The following BRSK2 variants were observed in gnomAD, a reference collection of about 807,000 sequenced individuals.
BRSK2 encodes the protein BR serine/threonine kinase 2.
Under a neutral mutation model 83.3 loss-of-function variants are expected in BRSK2, and 19 were observed. The ratio of observed to expected loss-of-function variants is 0.23; its 90% CI spans 0.16 to 0.33. The LOEUF is 0.33. Ranked by LOEUF, BRSK2 falls within the 10% of genes least tolerant of loss-of-function variation. BRSK2 has a pLI of 1.00. For missense variants in BRSK2, 798 were observed against 1,042.3 expected, an observed-to-expected ratio of 0.77 and a Z score of 3.23; for synonymous variants, 519 against 435.4, an observed-to-expected ratio of 1.19 and a Z score of -2.39.
intron 1 of BRSK2, chr11:1,411,648 C>T (rs560042906): frequency 3.6e-5 from 55 of 1,535,912 alleles, no homozygotes; most frequent in Non-Finnish European, 2.1e-5. Context: ...GTGCCACGCT[C>T]CCTGGCTGGC....
At chr11:1,459,071 T>A in intron 18 of BRSK2, 121 bp from the exon 19 acceptor site, 227 of 447,132 alleles carry the variant, frequency 5.1e-4, no homozygotes, top group East Asian at 1.2e-3. Context: ...CACCCATGCC[T>A]CTGGGGCCCT....
chr11:1,396,847 C>T (rs1453901340), intron 1 of BRSK2, among the ~76,000 whole-genome samples: 1 of 152,228 alleles, frequency 6.6e-6, no homozygotes, highest in East Asian at 1.9e-4. Context: ...CATCACTGTG[C>T]AGTTCTGGGC....
At chr11:1,398,291 C>T (rs1338149085) in intron 1 of BRSK2, among the ~76,000 whole-genome samples, 2 of 152,206 alleles carry the variant, frequency 1.3e-5, no homozygotes, top group Non-Finnish European at 2.9e-5. Flanking sequence ...AGCTGCAGGG[C>T]TAGCTGCTGC....
At chr11:1,455,675 A>T (rs1354017522) in intron 16 of BRSK2, among the ~76,000 whole-genome samples, 1 of 151,806 alleles carries the variant, frequency 6.6e-6, no homozygotes, top group Non-Finnish European at 1.5e-5. Flanking sequence ...CAGGCTGCTC[A>T]CTTCCTCGGC....
rs544238044 is a variant in BRSK2, at chr11:1,449,898, C to T, written c.1287+62C>T. The stretch of plus-strand genomic sequence containing the variant: ...CAGAGGCCCCAACCCTCCCAGTCAG[C>T]GTGTGCCAGGGTGGGGGCAGCCTCG... On this transcript the variant is annotated intron_variant, in intron 13 of 19. Coordinates refer to ENST00000528841, the MANE Select transcript of BRSK2 (RefSeq NM_001256627.2). The T allele has an allele frequency of 2.3e-4, 307 of 1,354,300 alleles. 1 individual carries two copies. Among genetic ancestry groups the T allele is most frequent in the Middle Eastern group, 1.1e-3 (6 of 5,330 alleles). 83.9% of individuals were successfully genotyped at this position (1,354,300 alleles called of 1,614,324 possible).
intron 19 of BRSK2, 37 bp from the exon 20 acceptor site, chr11:1,460,444 CTTTTTTTTCTTTTTTCCTT>C (rs1847294157): frequency 8.8e-7 from 1 of 1,138,946 alleles, no homozygotes; most frequent in Non-Finnish European, 1.1e-6. Context: ...TTCTCTCCCC[CTTTTTTTTCTTTTTTCCTT>C]TTTTTTTTTT....
intron 12 of BRSK2, chr11:1,447,775 T>G (rs1362417368): frequency 3.1e-6 from 5 of 1,593,024 alleles, no homozygotes; most frequent in Non-Finnish European, 4.2e-6. Context: ...GTAACTGTGT[T>G]TTCTCGCTCT....
Position 1,438,404 on chromosome 11 carries a change from G to A in BRSK2, c.272+13G>A, listed in dbSNP as rs771096938. ...ACAAAAAATATTTGTAGGTATTGCT[G>A]GGTCTGAAGAGCTGGGGTGGCGGAG... On this transcript the variant is annotated intron_variant, in intron 3 of 19. Transcript: ENST00000528841. The surrounding 1 kb of genome is among the most constrained non-coding windows in gnomAD (Gnocchi z 6.4). The A allele has an allele frequency of 1.2e-6, 2 of 1,612,828 alleles. No individual in the cohort carries two copies. The highest frequency in any genetic ancestry group is 1.1e-5 in the South Asian group (1 of 91,054).
rs111437399 is a variant in BRSK2, at chr11:1,436,021, G to A, written c.92-19G>A. ...AGGCACCCTGGGTGGGTCTGAGCGC[G>A]GCTGCTTCTCTCCCGCAGGTCTGGT... On this transcript the variant is annotated intron_variant, in intron 1 of 19. Coordinates refer to ENST00000528841, the MANE Select transcript of BRSK2 (RefSeq NM_001256627.2). 2.1e-4 allele frequency: 330 copies of A among 1,595,948 alleles called. No individual in the cohort carries two copies. Among genetic ancestry groups the A allele is most frequent in the Middle Eastern group, 5.2e-4 (3 of 5,776 alleles).
intron 1 of BRSK2, among the ~76,000 whole-genome samples, chr11:1,402,289 G>T (rs1590322563): frequency 6.6e-6 from 1 of 152,220 alleles, no homozygotes; most frequent in South Asian, 2.1e-4. Context: ...ACTCCTGGGA[G>T]CCCTTTGTGA....
chr11:1,449,715 C>T, intron 12 of BRSK2, 61 bp from the exon 13 acceptor site: 1 of 1,460,024 alleles, frequency 6.8e-7, no homozygotes, highest in Admixed American at 1.7e-5. Context: ...GAGCAGAGCC[C>T]AGCACCTGCT....
chr11:1,449,832 C>A lies in BRSK2; in HGVS notation c.1283C>A (p.Pro428His). Residue 428 changes from proline to histidine, a missense_variant, in exon 13 of 20, where the codon CCC becomes CAC. Physicochemically the swap from Pro to His is moderately conservative, Grantham distance 77 (BLOSUM62 -2). This residue lies in a region of BRSK2 where 455 missense variants were observed against 455.2 expected (regional missense o/e 1.00). Transcript: ENST00000528841. Reference sequence around the variant, plus strand: ...CTTTCCACCAGCCCACTCAGCAGCCCCCGGGTGAGTGACCCCCCGCCCCCA... The same window carrying A: ...CTTTCCACCAGCCCACTCAGCAGCCACCGGGTGAGTGACCCCCCGCCCCCA... ...SGLSTSPLSS[P>H]RVTPHPSPRG... 1 of 1,610,598 alleles carries A rather than the reference C, an allele frequency of 6.2e-7. No homozygotes were observed. The highest frequency in any genetic ancestry group is 8.5e-7 in the Non-Finnish European group (1 of 1,178,264).
intron 1 of BRSK2, among the ~76,000 whole-genome samples, chr11:1,400,585 CA>C (rs1027831885): frequency 3.7e-4 from 57 of 152,284 alleles, no homozygotes; most frequent in Middle Eastern, 3.4e-3. Flanking sequence ...ACGGGGCCAG[CA>C]AAATGCCCTG....
At position 1,461,137 on chromosome 11, in the gene BRSK2, G is replaced by C; in HGVS notation, c.*414G>C. The stretch of plus-strand genomic sequence containing the variant: ...GCAGCTCCTCGCCTCAGCTCCGCAC[G>C]GCCCGTGGGAGGAAGGCCAGGCTCG... On this transcript the variant is annotated 3_prime_UTR_variant, in exon 20 of 20. Transcript: ENST00000528841. 6.5e-6 allele frequency: 8 copies of C among 1,226,924 alleles called. No homozygotes were observed. The highest frequency in any genetic ancestry group is 8.9e-6 in the Non-Finnish European group (8 of 899,972). The allele number at this position is 1,226,924 out of a possible 1,614,324, so 76.0% of individuals were successfully genotyped here.
At chr11:1,433,327 C>G (rs1849839036) in intron 1 of BRSK2, among the ~76,000 whole-genome samples, 13 of 152,270 alleles carry the variant, frequency 8.5e-5, no homozygotes, top group Admixed American at 8.5e-4. Flanking sequence ...TGCTTCACCC[C>G]TGCACCCTCA....
At position 1,456,520 on chromosome 11, in the gene BRSK2, T is replaced by C; in HGVS notation, c.1841T>C (p.Leu614Pro). 1 of 1,585,208 alleles carries C rather than the reference T, an allele frequency of 6.3e-7. No homozygotes were observed. The highest frequency in any genetic ancestry group is 1.1e-5 in the South Asian group (1 of 87,364). The change falls in exon 17 of 20, where the codon CTG (leucine) becomes CCG (proline). Residue 614 changes from leucine to proline, a missense_variant. Around this residue, in one of 6 missense-constraint regions of BRSK2, gnomAD observed 455 missense variants for 455.2 expected, o/e 1.00. Coordinates refer to ENST00000528841, the MANE Select transcript of BRSK2 (RefSeq NM_001256627.2). ...ENGIYSVTFT[L>P]LSGPSRRFKR... is the part of the protein sequence containing the mutation. Reference sequence around the variant, plus strand: ...GGCATCTACTCCGTCACCTTCACCCTGCTCTCAGGTGAGCTGGCGCCCCCA... The same window carrying C: ...GGCATCTACTCCGTCACCTTCACCCCGCTCTCAGGTGAGCTGGCGCCCCCA...
intron 1 of BRSK2, among the ~76,000 whole-genome samples, chr11:1,420,274 C>A (rs557926861): frequency 3.3e-5 from 5 of 152,230 alleles, no homozygotes; most frequent in African/African-American, 1.2e-4. Context: ...GGTGTGACCC[C>A]AACTACCCTT....
Position 1,443,625 on chromosome 11 carries a change from G to A in BRSK2, c.770G>A (p.Arg257His), listed in dbSNP as rs778370045. The A allele has an allele frequency of 1.6e-5, 25 of 1,600,868 alleles. No homozygotes were observed. Among genetic ancestry groups the A allele is most frequent in the Admixed American group, 1.2e-4 (7 of 59,640 alleles). The change falls in exon 8 of 20, where the codon CGC (arginine) becomes CAC (histidine). Residue 257 changes from arginine to histidine, a missense_variant. Arg to His is a conservative substitution (Grantham distance 29, BLOSUM62 0). Coordinates refer to ENST00000528841, the MANE Select transcript of BRSK2 (RefSeq NM_001256627.2). ...GGCATGATCGAGGTGGACGCCGCACGCCGCCTCACGGTGCGTGCCCTCGGA... is the reference window on the plus strand; with the variant it reads ...GGCATGATCGAGGTGGACGCCGCACACCGCCTCACGGTGCGTGCCCTCGGA... Reference protein sequence around the residue: ...LRGMIEVDAARRLTLEHIQKH... With the variant: ...LRGMIEVDAAHRLTLEHIQKH...
At chr11:1,455,002 G>A (rs145912121) in intron 16 of BRSK2, among the ~76,000 whole-genome samples, 1,848 of 152,238 alleles carry the variant, frequency 0.012, 16 homozygotes, top group Non-Finnish European at 0.019. Flanking sequence ...CCTAGGGACC[G>A]GTGGGGCTCT....
Sources: allele counts gnomAD v4.1 joint callset (sites outside exome capture counted in the v4.1 genomes callset), GRCh38; gene constraint gnomAD v4.1.1; regional missense constraint gnomAD v4.1.1; non-coding constraint Gnocchi (gnomAD v3.1); transcripts MANE v1.5; gene names NCBI Gene and HGNC (gene_info 2026-07-23, HGNC 2026-07-21).